The following DOCK4 variants were observed in gnomAD, a reference collection of about 807,000 sequenced individuals.
DOCK4 encodes the protein dedicator of cytokinesis 4, also known as dedicator of cytokinesis protein 4.
DOCK4 carries 97 observed loss-of-function variants against 268.1 expected under a neutral mutation model. That is an observed-to-expected ratio of 0.36 (90% CI 0.31 to 0.43). DOCK4 has a LOEUF of 0.43. Among genes scored for constraint, DOCK4 ranks in the 20% least tolerant of loss-of-function variants. DOCK4 has a pLI of 1.00. For synonymous variants in DOCK4, 954 were observed against 887.2 expected, an observed-to-expected ratio of 1.08 and a Z score of -1.34; for missense variants, 2,145 against 2,455.7, an observed-to-expected ratio of 0.87 and a Z score of 2.67.
At chr7:111,864,376 A>G (rs1157289620) in intron 22 of DOCK4, among the ~76,000 whole-genome samples, 4 of 152,214 alleles carry the variant, frequency 2.6e-5, no homozygotes, top group Non-Finnish European at 4.4e-5. Flanking sequence ...TTAAAATTCC[A>G]TAAAAGGAGG....
At chr7:111,777,050 C>G (rs925769953) in intron 36 of DOCK4, among the ~76,000 whole-genome samples, 1 of 152,126 alleles carries the variant, frequency 6.6e-6, no homozygotes, top group African/African-American at 2.4e-5. Context: ...AACTCCTGGG[C>G]TCAAGCGATC....
intron 13 of DOCK4, among the ~76,000 whole-genome samples, chr7:111,912,762 G>A (rs527436286): frequency 6.6e-6 from 1 of 152,124 alleles, no homozygotes; most frequent in Non-Finnish European, 1.5e-5. Flanking sequence ...GCTTGTTGAA[G>A]ATAACCCCAG....
At chr7:111,783,387 A>G (rs1399850371) in intron 34 of DOCK4, among the ~76,000 whole-genome samples, 1 of 151,736 alleles carries the variant, frequency 6.6e-6, no homozygotes, top group Non-Finnish European at 1.5e-5. Flanking sequence ...TAGATAATAT[A>G]AAAATAAAAA....
At chr7:112,088,559 TATG>T (rs904818451) in intron 1 of DOCK4, among the ~76,000 whole-genome samples, 3 of 152,116 alleles carry the variant, frequency 2.0e-5, no homozygotes, top group African/African-American at 7.2e-5. Flanking sequence ...AAGCAGCCAG[TATG>T]ACCTCTTGTT....
Position 111,994,169 on chromosome 7 carries a change from C to G in DOCK4, c.281G>C (p.Arg94Thr). Residue 94 changes from arginine (R) to threonine (T), a missense_variant, in exon 5 of 53, where the codon AGA (arginine) becomes ACA (threonine). This residue lies in a region of DOCK4 where 1,598 missense variants were observed against 1,986.7 expected (regional missense o/e 0.80). Coordinates refer to ENST00000428084, the MANE Select transcript of DOCK4 (RefSeq NM_001363540.2). ...TTGTTTCCACATGGTTCCCCAGTCT[C>G]TTAATGTTGATGTCATTTCTGTGAT... ...SVITEMTSTL[R>T]DWGTMWKQLY... The G allele has an allele frequency of 6.2e-7, 1 of 1,608,738 alleles. No homozygotes were observed. Among genetic ancestry groups the G allele is most frequent in the East Asian group, 2.2e-5 (1 of 44,778 alleles).
At chr7:111,930,236 A>C (rs939079579) in intron 12 of DOCK4, among the ~76,000 whole-genome samples, 1 of 152,234 alleles carries the variant, frequency 6.6e-6, no homozygotes, top group African/African-American at 2.4e-5. Context: ...AAAACATCTT[A>C]AAAAGTTAAA....
At chr7:111,848,883 T>C (rs926741643) in intron 23 of DOCK4, among the ~76,000 whole-genome samples, 4 of 152,334 alleles carry the variant, frequency 2.6e-5, no homozygotes, top group Middle Eastern at 3.4e-3. Context: ...TAAAGTGCTC[T>C]GGATTGGCCA....
intron 2 of DOCK4, among the ~76,000 whole-genome samples, chr7:112,002,261 T>C (rs932396417): frequency 3.9e-5 from 6 of 152,106 alleles, no homozygotes; most frequent in African/African-American, 1.2e-4. Flanking sequence ...TAAAGACAGA[T>C]CCAAGAAATA....
intron 7 of DOCK4, among the ~76,000 whole-genome samples, chr7:111,978,407 C>T (rs1428884920): frequency 6.6e-6 from 1 of 152,062 alleles, no homozygotes; most frequent in Non-Finnish European, 1.5e-5. Flanking sequence ...AATTTTCATA[C>T]TTTTTGTAGA....
chr7:112,025,057 A>G (rs1001120768), intron 1 of DOCK4, among the ~76,000 whole-genome samples: 6 of 152,194 alleles, frequency 3.9e-5, no homozygotes, highest in African/African-American at 1.2e-4. Context: ...AGAAAGCACT[A>G]ATCAACAGAA....
Position 111,894,739 on chromosome 7 carries a change from G to T in DOCK4, c.1587+873C>A, listed in dbSNP as rs117510043. ...GCATCAAGAGGCCGGAAGTGGTGAG[G>T]AGTGAGGCAGTAGGGAGGTAGAAGG... is the stretch of plus-strand genomic sequence containing the variant. On this transcript the variant is annotated intron_variant, in intron 16 of 52. Coordinates refer to ENST00000428084, the MANE Select transcript of DOCK4 (RefSeq NM_001363540.2). Among the ~76,000 whole-genome samples the T allele has an allele frequency of 2.6e-5, 4 of 152,300 alleles. No homozygotes were observed. The East Asian group carries it at 7.7e-4, about 29-fold the overall frequency.
intron 26 of DOCK4, among the ~76,000 whole-genome samples, chr7:111,830,689 A>G (rs10259083): frequency 0.023 from 3,494 of 152,100 alleles, 124 homozygotes; most frequent in African/African-American, 0.079. Context: ...ATATTTAAAC[A>G]TGCTTAAGTC....
At chr7:111,809,256 C>T (rs1411150802) in intron 29 of DOCK4, 45 bp downstream of exon 29, 2 of 1,417,138 alleles carry the variant, frequency 1.4e-6, no homozygotes, top group African/African-American at 2.8e-5. Flanking sequence ...ACTAAATACT[C>T]TTTAAGAGGC....
Position 111,854,494 on chromosome 7 carries a change from C to T in DOCK4, c.2474-7368G>A, listed in dbSNP as rs146209510. On this transcript the variant is annotated intron_variant, in intron 23 of 52. Coordinates refer to ENST00000428084, the MANE Select transcript of DOCK4 (RefSeq NM_001363540.2). ...CGTGGGTCTTGCCGATGCTCCCAGC[C>T]GAATAAAGCCCTTCCTTCTTTAACT... 3.9e-3 allele frequency among the ~76,000 whole-genome samples: 594 copies of T among 152,252 alleles called. 6 individuals are homozygous for T. The highest frequency in any genetic ancestry group is 0.014 in the African/African-American group (570 of 41,542).
intron 15 of DOCK4, among the ~76,000 whole-genome samples, chr7:111,896,846 C>G (rs1341059724): frequency 6.6e-6 from 1 of 152,072 alleles, no homozygotes; most frequent in Non-Finnish European, 1.5e-5. Context: ...GAGGACATCC[C>G]TGAAAATGTA....
chr7:112,089,701 T>C (rs1295554104), intron 1 of DOCK4, among the ~76,000 whole-genome samples: 1 of 151,910 alleles, frequency 6.6e-6, no homozygotes, highest in East Asian at 1.9e-4. Flanking sequence ...TCTCATGAGA[T>C]CTGGTTGTTT....
intron 30 of DOCK4, 54 bp from the exon 31 acceptor site, chr7:111,790,659 A>G: frequency 2.0e-6 from 3 of 1,473,504 alleles, no homozygotes; most frequent in Non-Finnish European, 2.7e-6. Context: ...ATATGATTTC[A>G]GAAATTAATA....
chr7:111,874,058 G>T (rs1205651853), intron 17 of DOCK4, among the ~76,000 whole-genome samples: 1 of 152,122 alleles, frequency 6.6e-6, no homozygotes, highest in Admixed American at 6.5e-5. Context: ...GGCGACAAAG[G>T]CAAAGCTCTA....
intron 36 of DOCK4, among the ~76,000 whole-genome samples, chr7:111,775,712 C>T (rs555948939): frequency 6.6e-6 from 1 of 152,296 alleles, no homozygotes; most frequent in East Asian, 1.9e-4. Flanking sequence ...TCTGGCCTCA[C>T]TCAGTCTCAG....
Sources: allele counts gnomAD v4.1 joint callset (sites outside exome capture counted in the v4.1 genomes callset), GRCh38; gene constraint gnomAD v4.1.1; regional missense constraint gnomAD v4.1.1; transcripts MANE v1.5; gene names NCBI Gene and HGNC (gene_info 2026-07-23, HGNC 2026-07-21).